Variants in SPECC1L observed in about 807,000 individuals in gnomAD.
The protein encoded by SPECC1L is sperm antigen with calponin homology and coiled-coil domains 1 like.
SPECC1L carries 40 observed loss-of-function variants against 116.8 expected under a neutral mutation model. The observed-to-expected ratio is 0.34, with a 90% confidence interval of 0.27 to 0.45. The LOEUF (loss-of-function observed/expected upper bound fraction) is 0.45. SPECC1L is among the 20% of genes least tolerant of loss of function. The pLI, the probability that SPECC1L is intolerant of heterozygous loss-of-function variation, is 1.00. For missense variants in SPECC1L, 1,110 were observed against 1,373.6 expected, an observed-to-expected ratio of 0.81 and a Z score of 3.03; for synonymous variants, 504 against 500.6, an observed-to-expected ratio of 1.01 and a Z score of -0.09.
chr22:24,346,874 A>G (rs537150327), intron 10 of SPECC1L, among the ~76,000 whole-genome samples: 21 of 152,318 alleles, frequency 1.4e-4, no homozygotes, highest in African/African-American at 4.1e-4. Flanking sequence ...AAAACTGCAT[A>G]TGAGTCTATA....
At chr22:24,303,084 G>T (rs942309907) in intron 3 of SPECC1L, among the ~76,000 whole-genome samples, 1 of 152,070 alleles carries the variant, frequency 6.6e-6, no homozygotes, top group Admixed American at 6.6e-5. Context: ...TCAGCCTCTC[G>T]AGTAGCTGGA....
intron 10 of SPECC1L, among the ~76,000 whole-genome samples, chr22:24,341,979 G>A (rs955153820): frequency 6.6e-6 from 1 of 152,144 alleles, no homozygotes; most frequent in Non-Finnish European, 1.5e-5. Context: ...TTGCCTCCTC[G>A]TGCTAGACCT....
chr22:24,306,946 C>T (rs2049511587), intron 3 of SPECC1L, among the ~76,000 whole-genome samples: 1 of 152,220 alleles, frequency 6.6e-6, no homozygotes, highest in Non-Finnish European at 1.5e-5. Context: ...GCATCATGTC[C>T]TCAAGGTTCA....
intron 14 of SPECC1L, among the ~76,000 whole-genome samples, chr22:24,401,709 C>T (rs1197582250): frequency 1.3e-5 from 2 of 152,186 alleles, no homozygotes; most frequent in Non-Finnish European, 2.9e-5. Flanking sequence ...TTTAGATGTA[C>T]CACCCCATTG....
intron 11 of SPECC1L, among the ~76,000 whole-genome samples, chr22:24,360,012 CT>C (rs1398584440): frequency 2.6e-5 from 4 of 152,148 alleles, no homozygotes; most frequent in Non-Finnish European, 5.9e-5. Flanking sequence ...TGTCTGCTTT[CT>C]TTTTTTCTCT....
Position 24,349,036 on chromosome 22 carries a change from C to CT in SPECC1L, c.2743+1870dup, listed in dbSNP as rs912299111. On this transcript the variant is annotated intron_variant, in intron 11 of 16. Coordinates refer to ENST00000314328, the MANE Select transcript of SPECC1L (RefSeq NM_015330.6). ...CTTCCTCTCCTGTGTGGCTTTTCTC[C>CT]TTTTTTTTTTCTTTGTTTTTTTGAG... 3.4e-3 allele frequency among the ~76,000 whole-genome samples: 513 copies of CT among 149,568 alleles called. 2 individuals carry two copies. The highest frequency in any genetic ancestry group is 0.011 in the African/African-American group (447 of 40,874).
chr22:24,316,189 T>C (rs1419196406), intron 4 of SPECC1L, among the ~76,000 whole-genome samples: 1 of 152,250 alleles, frequency 6.6e-6, no homozygotes, highest in Non-Finnish European at 1.5e-5. Flanking sequence ...CACTTGTCTT[T>C]ACCTCAGATT....
At chr22:24,303,083 C>T (rs910717166) in intron 3 of SPECC1L, among the ~76,000 whole-genome samples, 14 of 152,066 alleles carry the variant, frequency 9.2e-5, no homozygotes, top group Non-Finnish European at 1.9e-4. Context: ...CTCAGCCTCT[C>T]GAGTAGCTGG....
rs987653639 is a variant in SPECC1L at position 24,329,066 on chromosome 22, A to G, written c.2220+147A>G. The G allele has an allele frequency of 2.6e-5, 18 of 700,066 alleles. No individual in the cohort carries two copies. In the African/African-American group the frequency reaches 3.2e-4, roughly 12 times the overall value. 43.4% of individuals were successfully genotyped at this position (700,066 alleles called of 1,614,324 possible). ...GGGCTTTGGGCAGAAAGCAAATGCTATCATTTCAAATTGGGATTGGTGCTA... is the reference window on the plus strand; with the variant it reads ...GGGCTTTGGGCAGAAAGCAAATGCTGTCATTTCAAATTGGGATTGGTGCTA... On this transcript the variant is annotated intron_variant, in intron 7 of 16. Transcript: ENST00000314328.
chr22:24,374,418 T>C (rs2041931254), intron 14 of SPECC1L, among the ~76,000 whole-genome samples: 1 of 151,862 alleles, frequency 6.6e-6, no homozygotes, highest in African/African-American at 2.4e-5. Context: ...GTGGCACATA[T>C]ACACCATGGA....
intron 14 of SPECC1L, among the ~76,000 whole-genome samples, chr22:24,400,840 G>A (rs999150643): frequency 1.3e-5 from 2 of 152,152 alleles, no homozygotes; most frequent in Admixed American, 1.3e-4. Flanking sequence ...GTGCTTGTTG[G>A]CTATTTGTAT....
At chr22:24,389,570 C>T (rs2042226653) in intron 14 of SPECC1L, among the ~76,000 whole-genome samples, 1 of 151,444 alleles carries the variant, frequency 6.6e-6, no homozygotes, top group Non-Finnish European at 1.5e-5. Flanking sequence ...TCTACTGCAG[C>T]CAGAAGTTTC....
At chr22:24,379,930 C>T (rs1278554955) in intron 14 of SPECC1L, among the ~76,000 whole-genome samples, 1 of 152,242 alleles carries the variant, frequency 6.6e-6, no homozygotes. Flanking sequence ...ATGGCACAAT[C>T]TCGGCTCACT....
intron 14 of SPECC1L, among the ~76,000 whole-genome samples, chr22:24,375,987 A>AC (rs2041964953): frequency 6.6e-6 from 1 of 151,914 alleles, no homozygotes; most frequent in Admixed American, 6.6e-5. Context: ...AACAAAAAAA[A>AC]CCCACAGTTT....
intron 3 of SPECC1L, among the ~76,000 whole-genome samples, chr22:24,309,277 T>C (rs910782084): frequency 6.6e-6 from 1 of 152,238 alleles, no homozygotes; most frequent in African/African-American, 2.4e-5. Context: ...TTGTAATCCA[T>C]TTATCCAACA....
At position 24,384,434 on chromosome 22, in the gene SPECC1L, A is replaced by G. The variant is rs181893212; in HGVS notation, c.3087+15114A>G. Among the ~76,000 whole-genome samples the G allele has an allele frequency of 3.6e-3, 548 of 152,370 alleles. 1 individual carries two copies. The highest frequency in any genetic ancestry group is 6.8e-3 in the Middle Eastern group (2 of 294). ...AAAGAACAGTGGAAGAGTAAATGTGAAAGTAAATATATATGAATATTGACT... is the reference window on the plus strand; with the variant it reads ...AAAGAACAGTGGAAGAGTAAATGTGGAAGTAAATATATATGAATATTGACT... On this transcript the variant is annotated intron_variant, in intron 14 of 16. Coordinates refer to ENST00000314328, the MANE Select transcript of SPECC1L (RefSeq NM_015330.6).
chr22:24,399,963 T>G (rs1225400094), intron 14 of SPECC1L, among the ~76,000 whole-genome samples: 1 of 152,256 alleles, frequency 6.6e-6, no homozygotes, highest in African/African-American at 2.4e-5. Context: ...TGAGTTTTAA[T>G]GTAACTTCTC....
At chr22:24,327,202 C>T (rs2040838171) in intron 6 of SPECC1L, among the ~76,000 whole-genome samples, 1 of 143,810 alleles carries the variant, frequency 7.0e-6, no homozygotes, top group Non-Finnish European at 1.5e-5. Flanking sequence ...CGCTTGAACC[C>T]AGGGGGCAGA....
Position 24,328,904 on chromosome 22 carries a change from CCA to C in SPECC1L, c.2208_2209del (p.His736GlnfsTer16). 5 of 1,613,040 alleles carry C rather than the reference CCA, an allele frequency of 3.1e-6. No homozygotes were observed. Among genetic ancestry groups the C allele is most frequent in the Non-Finnish European group, 4.2e-6 (5 of 1,179,116 alleles). Reference sequence around the variant, plus strand: ...ACATGGAAAGAGAAATAAAGACACTCCACAGAAGACTTCGGGTAGGATAAATC... The same window carrying C: ...ACATGGAAAGAGAAATAAAGACACTCCAGAAGACTTCGGGTAGGATAAATC... ...HDMEREIKTL[H>X]RRLREESAEW... On this transcript the variant is annotated frameshift_variant, in exon 7 of 17. Transcript: ENST00000314328. LOFTEE classifies it high-confidence loss of function.
Sources: gnomAD v4.1 joint callset for allele counts (sites outside exome capture counted in the v4.1 genomes callset) on GRCh38, gnomAD v4.1.1 for gene constraint, MANE v1.5 for transcripts, NCBI Gene and HGNC (gene_info 2026-07-23, HGNC 2026-07-21) for gene names.